SPDYE5: variants seen among roughly 807,000 people sequenced by gnomAD.
SPDYE5 encodes speedy protein E5.
A neutral mutation model predicts 48.5 loss-of-function variants in SPDYE5; 15 were observed. The ratio of observed to expected loss-of-function variants is 0.31; its 90% confidence interval spans 0.21 to 0.48. The LOEUF (loss-of-function observed/expected upper bound fraction) is 0.48, where lower values mean the gene tolerates loss of function less well. SPDYE5 is among the 20% of genes least tolerant of loss of function. The pLI is 0.99. For synonymous variants in SPDYE5, 116 were observed against 200.7 expected (o/e 0.58, Z 3.57); for missense variants, 331 against 549.1 (o/e 0.60, Z 3.97).
rs1793248132 is a variant in SPDYE5, at chr7:75,504,238, T to G, written c.*1451T>G. 6.6e-6 allele frequency: 1 copy of G among 151,948 alleles called. No individual in the cohort carries two copies. The highest frequency in any genetic ancestry group is 6.6e-5 in the Admixed American group (1 of 15,210). 9.4% of individuals were successfully genotyped at this position (151,948 alleles called of 1,614,324 possible). On this transcript the variant is annotated 3_prime_UTR_variant, in exon 9 of 9. Transcript: ENST00000625065. ...TCTAAAGGAGGACATGAGCTGTGTGTTTTCAAGAGAACAATAGAGTGCGTC... is the reference window on the plus strand; with the variant it reads ...TCTAAAGGAGGACATGAGCTGTGTGGTTTCAAGAGAACAATAGAGTGCGTC...
chr7:75,501,315 C>T (rs1793145788), intron 6 of SPDYE5, 47 bp from the exon 7 acceptor site: 4 of 1,611,410 alleles, frequency 2.5e-6, no homozygotes, highest in Non-Finnish European at 2.5e-6. Context: ...CAGCCGGAGG[C>T]CTCTCTTGGT....
At chr7:75,498,999 G>A (rs1234420138) in intron 5 of SPDYE5, among the ~76,000 whole-genome samples, 2 of 146,644 alleles carry the variant, frequency 1.4e-5, no homozygotes, top group African/African-American at 2.4e-5. Context: ...AGATCCCATC[G>A]GAGCCCACCA....
intron 6 of SPDYE5, among the ~76,000 whole-genome samples, chr7:75,500,474 C>A (rs1793103227): frequency 6.6e-6 from 1 of 151,244 alleles, no homozygotes; most frequent in South Asian, 2.1e-4. Flanking sequence ...CTTGATTACT[C>A]CCAGTCCCAT....
chr7:75,494,660 G>C (rs1387409258), intron 2 of SPDYE5, among the ~76,000 whole-genome samples: 1 of 152,118 alleles, frequency 6.6e-6, no homozygotes, highest in Non-Finnish European at 1.5e-5. Context: ...GCCAAGGCAG[G>C]CGGATCACTT....
chr7:75,502,942 A>G lies in SPDYE5; in HGVS notation c.*155A>G. 1 of 931,682 alleles carries G rather than the reference A, an allele frequency of 1.1e-6. No individual in the cohort carries two copies. Among genetic ancestry groups the G allele is most frequent in the Non-Finnish European group, 1.5e-6 (1 of 653,922 alleles). The allele number at this position is 931,682 out of a possible 1,614,324, so 57.7% of individuals were successfully genotyped here. A position where few individuals can be genotyped will look rare whatever the true frequency, so the allele number is the denominator to read the frequency against. ...CCATTTGTGCAGATCATCTAGAAGA[A>G]CCTGGACCATTCTTGATGGAGCTGA... On this transcript the variant is annotated 3_prime_UTR_variant, in exon 9 of 9. Transcript: ENST00000625065.
At chr7:75,491,908 T>C (rs587710004), upstream of SPDYE5, among the ~76,000 whole-genome samples, 3 of 151,756 alleles carry the variant, frequency 2.0e-5, no homozygotes, top group Admixed American at 1.3e-4. Flanking sequence ...TAGAGACGGA[T>C]TTAAACATGT....
chr7:75,496,551 T>C (rs1468975038), intron 3 of SPDYE5, 123 bp from the exon 4 acceptor site: 7 of 1,253,048 alleles, frequency 5.6e-6, no homozygotes, highest in Admixed American at 1.9e-5. Context: ...GAAGGAAAGA[T>C]GGCTTGGAGA....
intron 7 of SPDYE5, 59 bp from the exon 8 acceptor site, chr7:75,501,819 G>A (rs1793171357): frequency 1.2e-6 from 2 of 1,612,216 alleles, no homozygotes; most frequent in Admixed American, 3.3e-5. Flanking sequence ...GGCTGGATGA[G>A]GGGAGAGAGG....
chr7:75,496,721 A>G lies in SPDYE5; in HGVS notation c.427A>G (p.Arg143Gly). 2 of 1,594,618 alleles carry G rather than the reference A, an allele frequency of 1.3e-6. No individual in the cohort carries two copies. Among genetic ancestry groups the G allele is most frequent in the Non-Finnish European group, 1.7e-6 (2 of 1,178,642 alleles). ...CCCGCATAGGTCCTTTTGCTGGAAAAGGAAGATGGAGTGGTGGGACGAATC... is the reference window on the plus strand; with the variant it reads ...CCCGCATAGGTCCTTTTGCTGGAAAGGGAAGATGGAGTGGTGGGACGAATC... ...SPPHRSFCWK[R>G]KMEWWDESEE... is the part of the protein sequence containing the mutation. Residue 143 changes from arginine (R) to glycine (G), a missense_variant, in exon 4 of 9, where the codon AGG (arginine) becomes GGG (glycine). Arg to Gly is a moderately radical substitution (Grantham distance 125, BLOSUM62 -2). Transcript: ENST00000625065.
In SPDYE5 at chr7:75,501,774, G is replaced by T; in HGVS notation, c.1149+19G>T. 1.9e-6 allele frequency: 3 copies of T among 1,571,032 alleles called. No homozygotes were observed. The highest frequency in any genetic ancestry group is 2.5e-6 in the Non-Finnish European group (3 of 1,178,156). On this transcript the variant is annotated intron_variant, in intron 7 of 8. Transcript: ENST00000625065. ...GGAGGAGGTAGGTGGGGCCTGGGGAGGTGGAGGAGGTGGGGAGGAATCGGG... is the reference window on the plus strand; with the variant it reads ...GGAGGAGGTAGGTGGGGCCTGGGGATGTGGAGGAGGTGGGGAGGAATCGGG...
In SPDYE5 at chr7:75,493,876, C is replaced by T. The variant is rs1223143296; in HGVS notation, c.-172C>T. The stretch of plus-strand genomic sequence containing the variant: ...AAACTGGTTGCCAGGTTGGCATGAG[C>T]GATGACATCAGAGATTCCGACCATC... On this transcript the variant is annotated 5_prime_UTR_variant, in exon 2 of 9. An upstream open reading frame in the 5' UTR gains an earlier in-frame stop. Coordinates refer to ENST00000625065, the MANE Select transcript of SPDYE5 (RefSeq NM_001306141.4). 88 of 1,446,110 alleles carry T rather than the reference C, an allele frequency of 6.1e-5. No homozygotes were observed. The highest frequency in any genetic ancestry group is 7.8e-5 in the Non-Finnish European group (86 of 1,104,434). The allele number at this position is 1,446,110 out of a possible 1,614,324, so 89.6% of individuals were successfully genotyped here.
chr7:75,495,633 C>T lies in SPDYE5; in HGVS notation c.379+259C>T, dbSNP rs587752260. On this transcript the variant is annotated intron_variant, in intron 3 of 8. Transcript: ENST00000625065. ...GTGGCTCACGCCTGAGATCCTAGCA[C>T]GTTGGGAGGCTGAGGCAAGAGGATT... Among the ~76,000 whole-genome samples the T allele has an allele frequency of 3.3e-5, 5 of 152,306 alleles. No homozygotes were observed. In the East Asian group the frequency reaches 7.7e-4, roughly 24 times the overall value.
At position 75,493,983 on chromosome 7, in the gene SPDYE5, C is replaced by G. The variant is rs1436369418; in HGVS notation, c.-65C>G. On this transcript the variant is annotated 5_prime_UTR_variant, in exon 2 of 9. Transcript: ENST00000625065. Reference sequence around the variant, plus strand: ...TCTCAGAGCTGTTCTCCACTCCTGACTTCTCCTAGGCTTGAGAATTGATAA... The same window carrying G: ...TCTCAGAGCTGTTCTCCACTCCTGAGTTCTCCTAGGCTTGAGAATTGATAA... 3 of 1,514,414 alleles carry G rather than the reference C, an allele frequency of 2.0e-6. No homozygotes were observed. The African/African-American group carries it at 4.3e-5, about 22-fold the overall frequency. 93.8% of individuals were successfully genotyped at this position (1,514,414 alleles called of 1,614,324 possible).
chr7:75,495,595 C>T (rs1425703812), intron 3 of SPDYE5, among the ~76,000 whole-genome samples: 5 of 152,202 alleles, frequency 3.3e-5, no homozygotes, highest in African/African-American at 9.6e-5. Context: ...AGCTTGGTTT[C>T]GGGCCAGGTG....
chr7:75,497,046 T>G (rs1485873874), intron 4 of SPDYE5, 142 bp downstream of exon 4: 3 of 621,714 alleles, frequency 4.8e-6, no homozygotes, highest in Non-Finnish European at 8.5e-6. Flanking sequence ...TGATCACTCA[T>G]GAGGGACACT....
Position 75,496,740 on chromosome 7 carries a change from A to T in SPDYE5, c.446A>T (p.Asp149Val). The T allele has an allele frequency of 6.3e-7, 1 of 1,591,192 alleles. No homozygotes were observed. Among genetic ancestry groups the T allele is most frequent in the South Asian group, 1.1e-5 (1 of 90,032 alleles). ...TGGAAAAGGAAGATGGAGTGGTGGG[A>T]CGAATCTGAGGAGTCGTTGGAGGAG... The part of the protein sequence containing the change: ...FCWKRKMEWW[D>V]ESEESLEEEP... The change falls in exon 4 of 9, where the codon GAC becomes GTC. Residue 149 changes from aspartate to valine, a missense_variant. By Grantham distance (152) the Asp-to-Val change is radical. Coordinates refer to ENST00000625065, the MANE Select transcript of SPDYE5 (RefSeq NM_001306141.4).
In SPDYE5 at chr7:75,504,231, CTG is replaced by C. The variant is rs1298316791; in HGVS notation, c.*1450_*1451del. ...TGTGTGTTCTAAAGGAGGACATGAG[CTG>C]TGTGTTTTCAAGAGAACAATAGAGT... On this transcript the variant is annotated 3_prime_UTR_variant, in exon 9 of 9. Coordinates refer to ENST00000625065, the MANE Select transcript of SPDYE5 (RefSeq NM_001306141.4). The C allele has an allele frequency of 1.3e-5, 2 of 151,788 alleles. No individual in the cohort carries two copies. The highest frequency in any genetic ancestry group is 1.5e-5 in the Non-Finnish European group (1 of 67,974). The allele number at this position is 151,788 out of a possible 1,614,324, so 9.4% of individuals were successfully genotyped here.
chr7:75,501,977 G>A lies in SPDYE5; in HGVS notation c.*40G>A, dbSNP rs1554483669. 1.0e-5 allele frequency: 16 copies of A among 1,549,752 alleles called. No homozygotes were observed. The East Asian group carries it at 3.4e-4, about 33-fold the overall frequency. On this transcript the variant is annotated 3_prime_UTR_variant, in exon 8 of 9. Coordinates refer to ENST00000625065, the MANE Select transcript of SPDYE5 (RefSeq NM_001306141.4). The stretch of plus-strand genomic sequence containing the variant: ...TGGAGGCCTGAGGTCATCGGCCTGA[G>A]AGAAGGTACATCTGCATCCTCCGGG...
Position 75,504,253 on chromosome 7 carries a change from T to C in SPDYE5, c.*1466T>C, listed in dbSNP as rs1361627930. On this transcript the variant is annotated 3_prime_UTR_variant, in exon 9 of 9. Transcript: ENST00000625065. ...GAGCTGTGTGTTTTCAAGAGAACAATAGAGTGCGTCTCTTGGGGAAACATA... is the reference window on the plus strand; with the variant it reads ...GAGCTGTGTGTTTTCAAGAGAACAACAGAGTGCGTCTCTTGGGGAAACATA... The C allele has an allele frequency of 2.6e-5, 4 of 151,870 alleles. No homozygotes were observed. The East Asian group carries it at 5.8e-4, about 22-fold the overall frequency. 9.4% of individuals were successfully genotyped at this position (151,870 alleles called of 1,614,324 possible). A position where few individuals can be genotyped will look rare whatever the true frequency, so the allele number is the denominator to read the frequency against.
Sources: gnomAD v4.1 joint callset for allele counts (sites outside exome capture counted in the v4.1 genomes callset) on GRCh38, gnomAD v4.1.1 for gene constraint, MANE v1.5 for transcripts, NCBI Gene and HGNC (gene_info 2026-07-23, HGNC 2026-07-21) for gene names.